The following PTMA variants were observed in gnomAD, a reference collection of about 807,000 sequenced individuals.
PTMA encodes gene sequence 28.
PTMA carries 4 observed loss-of-function variants against 16.9 expected under a neutral mutation model. The ratio of observed to expected loss-of-function variants is 0.24; its 90% CI spans 0.12 to 0.54. PTMA has a LOEUF of 0.54. Among genes scored for constraint, PTMA ranks in the 20% least tolerant of loss-of-function variants. PTMA has a pLI of 0.95. For synonymous variants in PTMA, 58 were observed against 47.9 expected (o/e 1.21, Z -0.87); for missense variants, 120 against 137.7 (o/e 0.87, Z 0.64).
At chr2:231,709,527 A>G (rs2048488389) in intron 1 of PTMA, among the ~76,000 whole-genome samples, 1 of 152,010 alleles carries the variant, frequency 6.6e-6, no homozygotes, top group Admixed American at 6.5e-5. Flanking sequence ...TGGGGCGACG[A>G]TGGGCGCCCC....
At chr2:231,710,158 C>G in intron 1 of PTMA, 4 of 1,271,116 alleles carry the variant, frequency 3.1e-6, no homozygotes, top group African/African-American at 1.5e-5. Flanking sequence ...GGGCGACCTC[C>G]CGTGGGACTT....
At chr2:231,711,479 T>C (rs1388335973) in intron 2 of PTMA, 60 bp downstream of exon 2, 2 of 1,517,304 alleles carry the variant, frequency 1.3e-6, no homozygotes, top group Non-Finnish European at 1.8e-6. Context: ...TTTTTCCTGT[T>C]CTACTTTAAA....
intron 1 of PTMA, chr2:231,710,815 G>A (rs1035254540): frequency 3.2e-6 from 1 of 308,872 alleles, no homozygotes; most frequent in African/African-American, 2.4e-5. Context: ...GGTGTGCTTT[G>A]GCTTTTTTAG....
intron 3 of PTMA, 129 bp downstream of exon 3, chr2:231,712,112 C>T (rs750913772): frequency 1.0e-5 from 15 of 1,479,884 alleles, no homozygotes; most frequent in Non-Finnish European, 1.3e-5. Flanking sequence ...ACCACATGGC[C>T]CTGGGCACCC....
intron 1 of PTMA, chr2:231,709,980 C>T (rs2048495232): frequency 7.1e-6 from 7 of 991,318 alleles, no homozygotes; most frequent in Middle Eastern, 3.7e-4. Context: ...CCCTTCTGGA[C>T]TCAGTCCGGG....
intron 2 of PTMA, 85 bp downstream of exon 2, chr2:231,711,504 T>G (rs2048518249): frequency 8.1e-7 from 1 of 1,233,252 alleles, no homozygotes; most frequent in South Asian, 1.2e-5. Context: ...CCTATATATG[T>G]GTGTGTATGT....
intron 1 of PTMA, 22 bp from the exon 2 acceptor site, chr2:231,711,325 TG>T (rs752265541): frequency 6.2e-7 from 1 of 1,606,844 alleles, no homozygotes; most frequent in Non-Finnish European, 8.5e-7. Flanking sequence ...TACTGGTTAC[TG>T]GTTCCTTCTT....
In PTMA at chr2:231,708,803, C is replaced by T. The variant is rs779630405; in HGVS notation, c.45+52C>T. ...CGGGGTCCGCGCGCCGCCGCTCGGG[C>T]GGTGTTTGGCGCGCAGCAGCTGGAC... On this transcript the variant is annotated intron_variant, in intron 1 of 4. Transcript: ENST00000409115. 512 of 1,576,496 alleles carry T rather than the reference C, an allele frequency of 3.2e-4. 1 individual carries two copies. Among genetic ancestry groups the T allele is most frequent in the Non-Finnish European group, 3.8e-4 (437 of 1,163,960 alleles).
chr2:231,709,690 G>C (rs2048491158), intron 1 of PTMA: 1 of 152,664 alleles, frequency 6.6e-6, no homozygotes, highest in Admixed American at 6.5e-5. Context: ...CTGCGCGGCT[G>C]GTGCGGCTCC....
rs1269303790 is a variant in PTMA at position 231,712,867 on chromosome 2, A to G, written c.*16A>G. 4 of 1,549,756 alleles carry G rather than the reference A, an allele frequency of 2.6e-6. No individual in the cohort carries two copies. Among genetic ancestry groups the G allele is most frequent in the Admixed American group, 2.0e-5 (1 of 49,342 alleles). On this transcript the variant is annotated 3_prime_UTR_variant, in exon 5 of 5. Transcript: ENST00000409115. ...GGATGACTAGACAGCAAAAAAGGAA[A>G]AGTTAAACTAAAAAAAAAAAGGCCG...
At chr2:231,709,019 C>T (rs1452213883) in intron 1 of PTMA, among the ~76,000 whole-genome samples, 2 of 152,196 alleles carry the variant, frequency 1.3e-5, no homozygotes, top group South Asian at 2.1e-4. Context: ...CGGCTCACGG[C>T]CCTCGAAACT....
rs1323593727 is a variant in PTMA at position 231,711,919 on chromosome 2, C to A, written c.147C>A (p.Asp49Glu). Residue 49 changes from aspartate (D) to glutamate (E), a missense_variant, in exon 3 of 5, where the codon GAC (aspartate) becomes GAA (glutamate). By Grantham distance (45) the Asp-to-Glu change is conservative. Coordinates refer to ENST00000409115, the MANE Select transcript of PTMA (RefSeq NM_002823.5). ...ANEENGEQEADNEVDEEEEEG... is the reference protein window; with the variant it reads ...ANEENGEQEAENEVDEEEEEG... ...AGGAAAATGGGGAGCAGGAGGCTGA[C>A]AATGAGGTAGACGAAGAAGAGGAAG... 6.2e-7 allele frequency: 1 copy of A among 1,608,980 alleles called. No individual in the cohort carries two copies. Among genetic ancestry groups the A allele is most frequent in the Non-Finnish European group, 8.5e-7 (1 of 1,177,618 alleles).
rs2106246786 is a variant in PTMA at position 231,713,071 on chromosome 2, G to C, written c.*220G>C. ...AGGAAAAAAGAACCAAAACTTCCAA[G>C]GCCCTGCTTTTTTTCTTAAAAGTAC... On this transcript the variant is annotated 3_prime_UTR_variant, in exon 5 of 5. Transcript: ENST00000409115. 1.8e-6 allele frequency: 1 copy of C among 564,492 alleles called. No individual in the cohort carries two copies. Among genetic ancestry groups the C allele is most frequent in the East Asian group, 3.1e-5 (1 of 32,596 alleles). 35.0% of individuals were successfully genotyped at this position (564,492 alleles called of 1,614,324 possible). A position where few individuals can be genotyped will look rare whatever the true frequency, so the allele number is the denominator to read the frequency against.
chr2:231,709,621 G>A (rs1003321142), intron 1 of PTMA, among the ~76,000 whole-genome samples: 1 of 152,220 alleles, frequency 6.6e-6, no homozygotes, highest in Non-Finnish European at 1.5e-5. Context: ...CAATGGTAGG[G>A]TCGAACTGGG....
At chr2:231,710,460 G>T in intron 1 of PTMA, 1 of 1,096,736 alleles carries the variant, frequency 9.1e-7, no homozygotes, top group Non-Finnish European at 1.1e-6. Context: ...GGGGGCGAGA[G>T]CGGGCGGAGC....
At chr2:231,708,799 C>G in intron 1 of PTMA, 48 bp downstream of exon 1, 10 of 1,587,314 alleles carry the variant, frequency 6.3e-6, no homozygotes, top group Non-Finnish European at 7.7e-6. Context: ...CGCCGCCGCT[C>G]GGGCGGTGTT....
Position 231,711,363 on chromosome 2 carries a change from A to G in PTMA, c.61A>G (p.Lys21Glu), listed in dbSNP as rs749078267. 4.3e-6 allele frequency: 7 copies of G among 1,614,068 alleles called. No homozygotes were observed. Among genetic ancestry groups the G allele is most frequent in the Non-Finnish European group, 5.9e-6 (7 of 1,179,918 alleles). The stretch of plus-strand genomic sequence containing the variant: ...CCTTTTGAAGGACTTAAAGGAGAAG[A>G]AGGAAGTTGTGGAAGAGGCAGAAAA... ...EITTKDLKEK[K>E]EVVEEAENGR... The change falls in exon 2 of 5, where the codon AAG becomes GAG. Residue 21 changes from lysine to glutamate, a missense_variant. By Grantham distance (56) the Lys-to-Glu change is moderately conservative. Coordinates refer to ENST00000409115, the MANE Select transcript of PTMA (RefSeq NM_002823.5).
intron 1 of PTMA, chr2:231,710,036 C>G (rs1453516086): frequency 8.3e-7 from 1 of 1,209,770 alleles, no homozygotes; most frequent in African/African-American, 1.6e-5. Context: ...CGGGGCCTGG[C>G]TGTTCGATTT....
In PTMA at chr2:231,713,388, A is replaced by G. The variant is rs369231484; in HGVS notation, c.*537A>G. The G allele has an allele frequency of 9.8e-6, 5 of 511,160 alleles. No individual in the cohort carries two copies. The highest frequency in any genetic ancestry group is 4.5e-5 in the Admixed American group (2 of 44,438). The allele number at this position is 511,160 out of a possible 1,614,324, so 31.7% of individuals were successfully genotyped here. On this transcript the variant is annotated 3_prime_UTR_variant, in exon 5 of 5. Transcript: ENST00000409115. ...ACTATAAGTAGTTGGTTTGTATGAGATGGTTAAAAAGGCCAAAGATAAAAG... is the reference window on the plus strand; with the variant it reads ...ACTATAAGTAGTTGGTTTGTATGAGGTGGTTAAAAAGGCCAAAGATAAAAG...
Sources: gnomAD v4.1 joint callset for allele counts (sites outside exome capture counted in the v4.1 genomes callset) on GRCh38, gnomAD v4.1.1 for gene constraint, MANE v1.5 for transcripts, NCBI Gene and HGNC (gene_info 2026-07-23, HGNC 2026-07-21) for gene names.